RAI14: variants seen among roughly 807,000 people sequenced by gnomAD.
RAI14 encodes the protein retinoic acid induced 14.
Under a neutral mutation model 115.4 loss-of-function variants are expected in RAI14, and 45 were observed. The observed-to-expected ratio is 0.39, with a 90% CI of 0.31 to 0.50. RAI14 has a LOEUF of 0.50. Ranked by LOEUF, RAI14 falls within the 20% of genes least tolerant of loss-of-function variation. The pLI, the probability that RAI14 is intolerant of heterozygous loss-of-function variation, is 0.85. For synonymous variants in RAI14, 371 were observed against 415.4 expected (o/e 0.89, Z 1.30); for missense variants, 939 against 1,131.2 (o/e 0.83, Z 2.44).
intron 3 of RAI14, among the ~76,000 whole-genome samples, chr5:34,762,252 C>T (rs973972696): frequency 6.6e-6 from 1 of 152,098 alleles, no homozygotes; most frequent in South Asian, 2.1e-4. Context: ...ACATCACAAC[C>T]TGACTTGGCC....
chr5:34,824,015 G>A lies in RAI14; in HGVS notation c.2173G>A (p.Glu725Lys). 1 of 1,614,038 alleles carries A rather than the reference G, an allele frequency of 6.2e-7. No individual in the cohort carries two copies. The highest frequency in any genetic ancestry group is 8.5e-7 in the Non-Finnish European group (1 of 1,179,908). Residue 725 changes from glutamate to lysine, a missense_variant, in exon 15 of 18, where the codon GAG becomes AAG. Transcript: ENST00000265109. ...QLKQLVDAQKENSVSITEHLQ... is the reference protein window; with the variant it reads ...QLKQLVDAQKKNSVSITEHLQ... The stretch of plus-strand genomic sequence containing the variant: ...CAAACAACTGGTGGATGCACAAAAA[G>A]AGAACTCTGTCTCTATCACAGAACA...
intron 3 of RAI14, among the ~76,000 whole-genome samples, chr5:34,783,944 G>A (rs1177516556): frequency 6.6e-6 from 1 of 152,230 alleles, no homozygotes; most frequent in Non-Finnish European, 1.5e-5. Flanking sequence ...GACAAAGTGA[G>A]AAAAGGTGTC....
At chr5:34,730,882 C>T (rs1330435013) in intron 2 of RAI14, among the ~76,000 whole-genome samples, 2 of 152,182 alleles carry the variant, frequency 1.3e-5, no homozygotes, top group African/African-American at 2.4e-5. Flanking sequence ...ACTCTGGAGG[C>T]TGAGGCAGGA....
At chr5:34,721,955 C>T (rs911705589) in intron 2 of RAI14, among the ~76,000 whole-genome samples, 1 of 152,126 alleles carries the variant, frequency 6.6e-6, no homozygotes, top group Non-Finnish European at 1.5e-5. Flanking sequence ...GTAATCCACC[C>T]ACCTCGGCCT....
chr5:34,707,202 C>T (rs536996296), intron 2 of RAI14, among the ~76,000 whole-genome samples: 1 of 152,348 alleles, frequency 6.6e-6, no homozygotes, highest in Admixed American at 6.5e-5. Flanking sequence ...CACGGTGGCT[C>T]ACGCCTGTAA....
intron 1 of RAI14, among the ~76,000 whole-genome samples, chr5:34,674,060 G>A (rs957923177): frequency 4.6e-4 from 70 of 152,092 alleles, no homozygotes; most frequent in Admixed American, 3.0e-3. Flanking sequence ...TCAAGGAAAT[G>A]GGAGGCCTAC....
At chr5:34,753,787 G>A (rs1264467607) in intron 2 of RAI14, among the ~76,000 whole-genome samples, 2 of 152,080 alleles carry the variant, frequency 1.3e-5, no homozygotes, top group Admixed American at 6.6e-5. Context: ...GGTGGCATGT[G>A]CCTGTAGTCC....
chr5:34,761,665 C>T lies in RAI14; in HGVS notation c.167+4067C>T, dbSNP rs530197320. Among the ~76,000 whole-genome samples, 12 of 152,338 alleles carry T rather than the reference C, an allele frequency of 7.9e-5. 1 individual carries two copies. In the South Asian group the frequency reaches 2.5e-3, roughly 32 times the overall value. ...CTCCCGCCCTCCCCACAGGTCAGAA[C>T]GTCCACCTGTGCACCCAGGTTCTAT... On this transcript the variant is annotated intron_variant, in intron 3 of 17. Coordinates refer to ENST00000265109, the MANE Select transcript of RAI14 (RefSeq NM_015577.3).
chr5:34,687,037 C>T (rs1339940123), intron 2 of RAI14, 82 bp downstream of exon 2: 15 of 1,492,440 alleles, frequency 1.0e-5, no homozygotes, highest in East Asian at 6.8e-5. Flanking sequence ...CTTGATAAGG[C>T]GCTGTTGGGT....
chr5:34,667,676 C>T (rs1743322154), intron 1 of RAI14, among the ~76,000 whole-genome samples: 3 of 152,176 alleles, frequency 2.0e-5, no homozygotes. Context: ...GGAAAGACTC[C>T]TAAGTCTTAA....
At chr5:34,673,533 C>A (rs186614985) in intron 1 of RAI14, among the ~76,000 whole-genome samples, 2 of 152,346 alleles carry the variant, frequency 1.3e-5, no homozygotes, top group East Asian at 3.9e-4. Context: ...ATCTAGGCAC[C>A]TCTTTTACTG....
In RAI14 at chr5:34,823,288, C is replaced by G. The variant is rs1328974340; in HGVS notation, c.1446C>G (p.Ser482Arg). Reference sequence around the variant, plus strand: ...TTTCAGAGAACAGCTCTGACCTCAGCCAGAAACTTAAAGAAACTCAGAGCA... The same window carrying G: ...TTTCAGAGAACAGCTCTGACCTCAGGCAGAAACTTAAAGAAACTCAGAGCA... Reference protein sequence around the residue: ...TEISENSSDLSQKLKETQSKY... With the variant: ...TEISENSSDLRQKLKETQSKY... Residue 482 changes from serine (S) to arginine (R), a missense_variant, in exon 15 of 18, where the codon AGC becomes AGG. Coordinates refer to ENST00000265109, the MANE Select transcript of RAI14 (RefSeq NM_015577.3). This position sits in a 1 kb window ranked among gnomAD's most constrained non-coding sequence, Gnocchi z 4.5. The G allele has an allele frequency of 1.2e-6, 2 of 1,613,878 alleles. No individual in the cohort carries two copies. Among genetic ancestry groups the G allele is most frequent in the South Asian group, 1.1e-5 (1 of 91,074 alleles).
At chr5:34,663,060 T>C (rs1167585771) in intron 1 of RAI14, among the ~76,000 whole-genome samples, 2 of 152,126 alleles carry the variant, frequency 1.3e-5, no homozygotes, top group Non-Finnish European at 2.9e-5. Flanking sequence ...CCCTTTGTAG[T>C]TAGTCATGAG....
intron 2 of RAI14, chr5:34,687,763 A>G: frequency 6.5e-7 from 1 of 1,541,498 alleles, no homozygotes; most frequent in Non-Finnish European, 8.8e-7. Flanking sequence ...CTATCATTTC[A>G]GGCGAGGTAA....
At position 34,802,338 on chromosome 5, in the gene RAI14, G is replaced by T. The variant is rs189097161; in HGVS notation, c.257-1374G>T. On this transcript the variant is annotated intron_variant, in intron 4 of 17. Transcript: ENST00000265109. ...TCGTCTGATCTCGGAAGCTAAGCAG[G>T]GTCGGGCCTGGTTAGTACTTGGATG... Among the ~76,000 whole-genome samples the T allele has an allele frequency of 5.9e-5, 9 of 152,268 alleles. No individual in the cohort carries two copies. The East Asian group carries it at 1.7e-3, about 29-fold the overall frequency.
chr5:34,691,512 A>G (rs1224197434), intron 2 of RAI14, among the ~76,000 whole-genome samples: 1 of 152,190 alleles, frequency 6.6e-6, no homozygotes, highest in African/African-American at 2.4e-5. Flanking sequence ...ATGAAAAATG[A>G]GGCCAAAAAG....
At chr5:34,659,482 G>A (rs1205626076) in intron 1 of RAI14, among the ~76,000 whole-genome samples, 1 of 152,078 alleles carries the variant, frequency 6.6e-6, no homozygotes, top group African/African-American at 2.4e-5. Context: ...TGCTCAGGCT[G>A]GCCTTGAACT....
chr5:34,776,554 C>T (rs759796134), intron 3 of RAI14, among the ~76,000 whole-genome samples: 2 of 152,022 alleles, frequency 1.3e-5, no homozygotes, highest in Admixed American at 6.6e-5. Context: ...ACCTGTAATC[C>T]CAGCACTTTG....
At chr5:34,793,515 C>CA (rs5867248) in intron 3 of RAI14, among the ~76,000 whole-genome samples, 53,179 of 151,952 alleles carry the variant, frequency 0.35, 10,111 homozygotes, top group Non-Finnish European at 0.42. Flanking sequence ...GGTCTCTGAC[C>CA]ACATTCTGTT....
Sources: gnomAD v4.1 joint callset for allele counts (sites outside exome capture counted in the v4.1 genomes callset) on GRCh38, gnomAD v4.1.1 for gene constraint, Gnocchi (gnomAD v3.1) non-coding constraint, MANE v1.5 for transcripts, NCBI Gene and HGNC (gene_info 2026-07-23, HGNC 2026-07-21) for gene names.